The following PCDH15 variants were observed in gnomAD, a reference collection of about 807,000 sequenced individuals.
PCDH15 encodes the protein protocadherin-15.
A neutral mutation model predicts 178.5 loss-of-function variants in PCDH15; 129 were observed. That is an observed-to-expected ratio of 0.72 (90% CI 0.63 to 0.84). The LOEUF (loss-of-function observed/expected upper bound fraction) is 0.84, where lower values mean the gene tolerates loss of function less well. Among genes scored for constraint, PCDH15 ranks in the 40% least tolerant of loss-of-function variants. PCDH15 has a pLI of 0.00. For synonymous variants in PCDH15, 800 were observed against 732.0 expected, an observed-to-expected ratio of 1.09 and a Z score of -1.50; for missense variants, 2,230 against 2,099.9, an observed-to-expected ratio of 1.06 and a Z score of -1.21.
intron 1 of PCDH15, among the ~76,000 whole-genome samples, chr10:55,257,622 A>T (rs931401989): frequency 1.3e-5 from 2 of 152,236 alleles, no homozygotes; most frequent in African/African-American, 4.8e-5. Flanking sequence ...AAAAGGTATC[A>T]GTGATGGAAG....
At chr10:55,141,290 A>C (rs886230063) in intron 2 of PCDH15, among the ~76,000 whole-genome samples, 9 of 152,056 alleles carry the variant, frequency 5.9e-5, no homozygotes, top group Non-Finnish European at 8.8e-5. Context: ...TAATGACTTT[A>C]GAACTGCTTC....
intron 3 of PCDH15, among the ~76,000 whole-genome samples, chr10:54,858,696 G>T (rs931346224): frequency 6.6e-6 from 1 of 151,738 alleles, no homozygotes; most frequent in African/African-American, 2.4e-5. Context: ...CTATATTTAA[G>T]TAATAATAAT....
At chr10:54,941,240 T>C (rs1238832877) in intron 2 of PCDH15, among the ~76,000 whole-genome samples, 1 of 152,092 alleles carries the variant, frequency 6.6e-6, no homozygotes, top group Non-Finnish European at 1.5e-5. Context: ...ACCTCCATAG[T>C]CAATTTAACT....
intron 2 of PCDH15, among the ~76,000 whole-genome samples, chr10:54,943,143 C>A (rs1165262037): frequency 6.6e-6 from 1 of 151,956 alleles, no homozygotes; most frequent in Non-Finnish European, 1.5e-5. Context: ...AAACACTGAT[C>A]TCCTTGGGCT....
chr10:55,124,185 C>CTA (rs976188712), intron 2 of PCDH15, among the ~76,000 whole-genome samples: 1 of 151,986 alleles, frequency 6.6e-6, no homozygotes, highest in Admixed American at 6.6e-5. Flanking sequence ...TATTAAAAGG[C>CTA]TATATATATT....
At chr10:54,383,665 T>TG (rs1949544515) in intron 3 of PCDH15, among the ~76,000 whole-genome samples, 1 of 102,404 alleles carries the variant, frequency 9.8e-6, no homozygotes, top group African/African-American at 3.2e-5. Context: ...GTGTGTGTGT[T>TG]TCAACATAAT....
intron 2 of PCDH15, among the ~76,000 whole-genome samples, chr10:55,515,150 G>A (rs1840983186): frequency 6.6e-6 from 1 of 151,754 alleles, no homozygotes; most frequent in Middle Eastern, 3.4e-3. Context: ...CACCACACCA[G>A]GCTAATTTTT....
intron 10 of PCDH15, among the ~76,000 whole-genome samples, chr10:54,203,865 T>C (rs557128842): frequency 1.3e-5 from 2 of 152,320 alleles, no homozygotes; most frequent in African/African-American, 4.8e-5. Flanking sequence ...CCTTTATTCC[T>C]TTATTTTCAA....
intron 7 of PCDH15, among the ~76,000 whole-genome samples, chr10:54,325,608 G>T (rs1236829563): frequency 1.3e-5 from 2 of 152,006 alleles, no homozygotes; most frequent in Non-Finnish European, 2.9e-5. Flanking sequence ...AATTAGCTGG[G>T]TATGGTTGCA....
intron 2 of PCDH15, among the ~76,000 whole-genome samples, chr10:54,905,229 A>G (rs1213978948): frequency 1.3e-5 from 2 of 152,044 alleles, no homozygotes; most frequent in Non-Finnish European, 2.9e-5. Context: ...ATTTCTTTTT[A>G]TTTTCTCTCA....
At chr10:55,444,043 C>A (rs1839258487) in intron 2 of PCDH15, among the ~76,000 whole-genome samples, 1 of 151,026 alleles carries the variant, frequency 6.6e-6, no homozygotes. Context: ...AACAAAATAT[C>A]AAACACCATA....
At chr10:54,003,471 C>T (rs1287722782) in intron 20 of PCDH15, among the ~76,000 whole-genome samples, 1 of 151,848 alleles carries the variant, frequency 6.6e-6, no homozygotes, top group South Asian at 2.1e-4. Context: ...TTAGTGGCTA[C>T]TATGAACAAA....
intron 20 of PCDH15, among the ~76,000 whole-genome samples, chr10:54,000,916 A>G (rs1393649331): frequency 6.6e-6 from 1 of 152,192 alleles, no homozygotes; most frequent in East Asian, 1.9e-4. Flanking sequence ...AAGGTCAAGG[A>G]TAAATAAAGG....
At chr10:54,451,077 A>T (rs1303185595) in intron 3 of PCDH15, among the ~76,000 whole-genome samples, 1 of 151,854 alleles carries the variant, frequency 6.6e-6, no homozygotes, top group Non-Finnish European at 1.5e-5. Flanking sequence ...ATATAATCTA[A>T]ATGTTATTTT....
chr10:54,199,417 A>G (rs1048218176), intron 10 of PCDH15, among the ~76,000 whole-genome samples: 127 of 152,254 alleles, frequency 8.3e-4, no homozygotes, highest in African/African-American at 2.7e-3. Context: ...GAGGCTACAC[A>G]GGAAGATTCA....
chr10:55,535,392 A>T (rs1199450971), intron 2 of PCDH15, among the ~76,000 whole-genome samples: 1 of 152,116 alleles, frequency 6.6e-6, no homozygotes, highest in Admixed American at 6.6e-5. Flanking sequence ...TACTAGGGCA[A>T]CAAAATCATA....
intron 5 of PCDH15, among the ~76,000 whole-genome samples, chr10:54,361,701 T>C (rs1268136295): frequency 6.6e-6 from 1 of 152,104 alleles, no homozygotes; most frequent in Non-Finnish European, 1.5e-5. Flanking sequence ...ACATGATTAT[T>C]TTACTAAACT....
chr10:55,065,967 G>A (rs1484663513), intron 2 of PCDH15, among the ~76,000 whole-genome samples: 1 of 151,754 alleles, frequency 6.6e-6, no homozygotes, highest in East Asian at 1.9e-4. Context: ...AAATACAAAG[G>A]CCACTTTATA....
chr10:54,612,056 C>G (rs532267067), intron 2 of PCDH15, among the ~76,000 whole-genome samples: 1 of 151,926 alleles, frequency 6.6e-6, no homozygotes, highest in South Asian at 2.1e-4. Context: ...TGTCTTTGAA[C>G]CTTCTGGTTA....
Sources: allele counts gnomAD v4.1 joint callset (sites outside exome capture counted in the v4.1 genomes callset), GRCh38; gene constraint gnomAD v4.1.1; transcripts MANE v1.5; gene names NCBI Gene and HGNC (gene_info 2026-07-23, HGNC 2026-07-21).